The following SYNE3 variants were observed in gnomAD, a reference collection of about 807,000 sequenced individuals.
The protein encoded by SYNE3 is nesprin-3.
In SYNE3, 100 loss-of-function variants were observed where a neutral mutation model predicts 111.2. The ratio of observed to expected loss-of-function variants is 0.90; its 90% confidence interval spans 0.77 to 1.06. The LOEUF is 1.06. SYNE3 is among the 50% of genes least tolerant of loss of function. SYNE3 has a pLI of 0.00. For missense variants in SYNE3, 1,160 were observed against 1,240.3 expected, an observed-to-expected ratio of 0.94 and a Z score of 0.97; for synonymous variants, 547 against 533.9, an observed-to-expected ratio of 1.02 and a Z score of -0.34.
At chr14:95,467,727 C>A (rs1385013747) in intron 3 of SYNE3, 68 bp downstream of exon 3, 5 of 1,586,314 alleles carry the variant, frequency 3.2e-6, no homozygotes, top group Non-Finnish European at 3.4e-6. Context: ...GGCAGAGGGC[C>A]CAAGCTAGTG....
In SYNE3 at chr14:95,414,168, C is replaced by G. The variant is rs1043882110; in HGVS notation, c.*3658G>C. On this transcript the variant is annotated 3_prime_UTR_variant, in exon 18 of 18. Coordinates refer to ENST00000682763, the MANE Select transcript of SYNE3 (RefSeq NM_152592.6). ...CTACAGAGACTGCAACCTGGTAGAACCAGCCTGAAGCCCCCCTCCAGCCTG... is the reference window on the plus strand; with the variant it reads ...CTACAGAGACTGCAACCTGGTAGAAGCAGCCTGAAGCCCCCCTCCAGCCTG... 6.6e-6 allele frequency: 1 copy of G among 152,222 alleles called. No individual in the cohort carries two copies. Among genetic ancestry groups the G allele is most frequent in the Non-Finnish European group, 1.5e-5 (1 of 68,078 alleles). The allele number at this position is 152,222 out of a possible 1,614,324, so 9.4% of individuals were successfully genotyped here.
intron 1 of SYNE3, among the ~76,000 whole-genome samples, chr14:95,494,380 C>T (rs1359956284): frequency 2.0e-5 from 3 of 152,036 alleles, no homozygotes; most frequent in Admixed American, 2.0e-4. Context: ...TGAGCAGGGT[C>T]TGAATAAGAT....
chr14:95,450,461 G>GGCCA (rs1887002748), intron 7 of SYNE3: 1 of 222,612 alleles, frequency 4.5e-6, no homozygotes, highest in Non-Finnish European at 8.9e-6. Context: ...GATCACTTGA[G>GGCCA]GCCAGGAGTA....
In SYNE3 at chr14:95,516,627, G is replaced by A. The variant is rs1320058446; in HGVS notation, c.-46C>T. Among the ~76,000 whole-genome samples, 1 of 151,230 alleles carries A rather than the reference G, an allele frequency of 6.6e-6. No homozygotes were observed. The highest frequency in any genetic ancestry group is 6.6e-5 in the Admixed American group (1 of 15,212). On this transcript the variant is annotated 5_prime_UTR_variant, in exon 1 of 18. Transcript: ENST00000682763. ...GGAGCGTGGAGGAGCGCGGCGCCGC[G>A]GGTAGCTGGGGCCGAGCCTCCTTCC... is the stretch of plus-strand genomic sequence containing the variant.
chr14:95,513,425 G>A (rs1352884107), intron 1 of SYNE3, among the ~76,000 whole-genome samples: 1 of 152,110 alleles, frequency 6.6e-6, no homozygotes, highest in African/African-American at 2.4e-5. Flanking sequence ...TGATAGTAGA[G>A]GGTTAGTAAT....
At chr14:95,443,602 T>A (rs1886530487) in intron 10 of SYNE3, 5 of 302,392 alleles carry the variant, frequency 1.7e-5, no homozygotes, top group Non-Finnish European at 3.0e-5. Flanking sequence ...CCTCTCATTA[T>A]GAGGAAACAC....
chr14:95,439,890 TG>T (rs751075080), intron 12 of SYNE3, 23 bp downstream of exon 12: 2 of 1,602,896 alleles, frequency 1.2e-6, no homozygotes, highest in Non-Finnish European at 8.5e-7. Context: ...CTTTGGGAAG[TG>T]GGTGAGGGAA....
intron 17 of SYNE3, among the ~76,000 whole-genome samples, chr14:95,421,170 C>T (rs927416663): frequency 9.2e-5 from 14 of 152,106 alleles, no homozygotes; most frequent in Non-Finnish European, 2.1e-4. Flanking sequence ...TACCCAGTCT[C>T]GGGTATGTCT....
intron 1 of SYNE3, among the ~76,000 whole-genome samples, chr14:95,504,294 GA>G (rs55646751): frequency 0.34 from 51,635 of 151,984 alleles, 9,008 homozygotes; most frequent in African/African-American, 0.38. Context: ...GTTTGTTCTA[GA>G]AGCTCCAGAG....
chr14:95,499,876 T>TTTTTTA (rs71132352), intron 1 of SYNE3, among the ~76,000 whole-genome samples: 1 of 145,226 alleles, frequency 6.9e-6, no homozygotes, highest in African/African-American at 2.7e-5. Flanking sequence ...TTTTTTTTTT[T>TTTTTTA]GAGATGGAGT....
chr14:95,442,817 G>A (rs1255109290), intron 11 of SYNE3, among the ~76,000 whole-genome samples: 4 of 152,162 alleles, frequency 2.6e-5, no homozygotes, highest in South Asian at 2.1e-4. Flanking sequence ...TTCTTTTGCC[G>A]CTTGGCCCTA....
At chr14:95,457,431 T>C in intron 4 of SYNE3, 93 bp from the exon 5 acceptor site, 1 of 1,437,342 alleles carries the variant, frequency 7.0e-7, no homozygotes, top group Non-Finnish European at 9.4e-7. Context: ...TGTGTGTGTG[T>C]GTGTGTGTGT....
rs532675503 is a variant in SYNE3 at position 95,510,561 on chromosome 14, G to A, written c.-15+6035C>T. 1.5e-4 allele frequency among the ~76,000 whole-genome samples: 23 copies of A among 152,292 alleles called. No individual in the cohort carries two copies. The South Asian group carries it at 2.5e-3, about 16-fold the overall frequency. On this transcript the variant is annotated intron_variant, in intron 1 of 17. Coordinates refer to ENST00000682763, the MANE Select transcript of SYNE3 (RefSeq NM_152592.6). ...CATGCCTGTAATCCTAGCCGAGGCC[G>A]GTGGATCGCCTGAGGTTGGGAGTTG... is the stretch of plus-strand genomic sequence containing the variant.
chr14:95,488,765 C>T (rs1432733354), intron 1 of SYNE3, among the ~76,000 whole-genome samples: 1 of 125,952 alleles, frequency 7.9e-6, no homozygotes, highest in Non-Finnish European at 1.7e-5. Flanking sequence ...GACTGCAAAA[C>T]TGTTTTCCAA....
intron 7 of SYNE3, chr14:95,451,936 A>C (rs1387472723): frequency 2.0e-5 from 4 of 203,010 alleles, no homozygotes; most frequent in Non-Finnish European, 3.9e-5. Flanking sequence ...CTGTCTATTG[A>C]AAAGCCCTCC....
rs985311980 is a variant in SYNE3 at position 95,512,329 on chromosome 14, TTA to T, written c.-15+4265_-15+4266del. 1.3e-5 allele frequency among the ~76,000 whole-genome samples: 2 copies of T among 152,132 alleles called. 1 individual carries two copies. ...TTAATTTCATTTGTATTATGTAAGA[TTA>T]TATATATATAATGGAATATATGCGC... On this transcript the variant is annotated intron_variant, in intron 1 of 17. Transcript: ENST00000682763.
At chr14:95,427,578 C>CTT (rs1885507658) in intron 17 of SYNE3, among the ~76,000 whole-genome samples, 1 of 145,646 alleles carries the variant, frequency 6.9e-6, no homozygotes, top group Non-Finnish European at 1.5e-5. Context: ...TCTCTCTCTC[C>CTT]CTCTCTCTCC....
At chr14:95,419,645 T>C (rs1158476780) in intron 17 of SYNE3, among the ~76,000 whole-genome samples, 1 of 134,322 alleles carries the variant, frequency 7.4e-6, no homozygotes, top group Admixed American at 9.4e-5. Context: ...ATGGAGGTGA[T>C]GGCAATGATG....
At chr14:95,483,471 C>A (rs1889374395) in intron 1 of SYNE3, among the ~76,000 whole-genome samples, 1 of 152,132 alleles carries the variant, frequency 6.6e-6, no homozygotes, top group South Asian at 2.1e-4. Flanking sequence ...ATTTCAGGAA[C>A]TGAGTTACAG....
Sources: gnomAD v4.1 joint callset for allele counts (sites outside exome capture counted in the v4.1 genomes callset) on GRCh38, gnomAD v4.1.1 for gene constraint, MANE v1.5 for transcripts, NCBI Gene and HGNC (gene_info 2026-07-23, HGNC 2026-07-21) for gene names.